The following SMYD3 variants were observed in gnomAD, a reference collection of about 807,000 sequenced individuals.
SMYD3 encodes SET and MYND domain containing 3.
Under a neutral mutation model 57.7 loss-of-function variants are expected in SMYD3, and 36 were observed. The ratio of observed to expected loss-of-function variants is 0.62; its 90% confidence interval spans 0.48 to 0.82. The LOEUF is 0.82. Among genes scored for constraint, SMYD3 ranks in the 40% least tolerant of loss-of-function variants. SMYD3 has a pLI of 0.00. For synonymous variants in SMYD3, 211 were observed against 195.0 expected (o/e 1.08, Z -0.68); for missense variants, 515 against 538.8 (o/e 0.96, Z 0.44).
chr1:246,025,195 T>C (rs960497451), intron 5 of SMYD3, among the ~76,000 whole-genome samples: 4 of 137,936 alleles, frequency 2.9e-5, no homozygotes, highest in African/African-American at 1.1e-4. Flanking sequence ...AGACAGCATC[T>C]AGGAAGACAG....
chr1:245,837,533 G>A (rs1020486446), intron 10 of SMYD3, among the ~76,000 whole-genome samples: 7 of 152,140 alleles, frequency 4.6e-5, no homozygotes, highest in Admixed American at 4.6e-4. Context: ...GCACGTACAC[G>A]AGGGAAGAAG....
intron 10 of SMYD3, among the ~76,000 whole-genome samples, chr1:245,782,803 G>C (rs1262674260): frequency 6.6e-6 from 1 of 152,204 alleles, no homozygotes; most frequent in Non-Finnish European, 1.5e-5. Context: ...CAATGCCTGA[G>C]TCTAGAAAGA....
chr1:246,275,142 A>C (rs997835396), intron 5 of SMYD3, among the ~76,000 whole-genome samples: 33 of 152,342 alleles, frequency 2.2e-4, no homozygotes, highest in African/African-American at 7.5e-4. Flanking sequence ...GACAAAATAC[A>C]ATGCGCAAGA....
At chr1:246,466,720 T>C (rs1009586520) in intron 1 of SMYD3, among the ~76,000 whole-genome samples, 8 of 152,130 alleles carry the variant, frequency 5.3e-5, no homozygotes, top group African/African-American at 1.9e-4. Context: ...TGGTGGCACA[T>C]GCCTATAGCC....
In SMYD3 at chr1:246,157,650, T is replaced by TA. The variant is rs1426607784; in HGVS notation, c.531+169550_531+169551insT. ...TGCCACAACAATAAGCTTTGTCTTT[T>TA]TTCCCCCCCATAGGTCAGCTTCCTT... On this transcript the variant is annotated intron_variant, in intron 5 of 11. Transcript: ENST00000490107. Among the ~76,000 whole-genome samples, 3 of 151,188 alleles carry TA rather than the reference T, an allele frequency of 2.0e-5. No homozygotes were observed. The East Asian group carries it at 5.8e-4, about 29-fold the overall frequency.
chr1:245,929,951 G>C lies in SMYD3; in HGVS notation c.532-14C>G. On this transcript the variant is annotated splice_polypyrimidine_tract_variant and intron_variant, in intron 5 of 11. Transcript: ENST00000490107. ...GTTGCAGATCACCTGTAAACACAAG[G>C]GGAACCATCAGTATTACTAGAGTCA... The C allele has an allele frequency of 1.2e-6, 2 of 1,610,812 alleles. No individual in the cohort carries two copies. The highest frequency in any genetic ancestry group is 1.1e-5 in the South Asian group (1 of 90,994).
chr1:246,042,549 C>T (rs1273240939), intron 5 of SMYD3, among the ~76,000 whole-genome samples: 3 of 152,198 alleles, frequency 2.0e-5, no homozygotes, highest in Non-Finnish European at 4.4e-5. Context: ...AAGGACTTCG[C>T]ATTATTAGTG....
At chr1:246,139,823 C>A (rs2061723483) in intron 5 of SMYD3, among the ~76,000 whole-genome samples, 1 of 152,132 alleles carries the variant, frequency 6.6e-6, no homozygotes, top group African/African-American at 2.4e-5. Context: ...AGCAAAGAAT[C>A]CTGCTGGAAA....
intron 5 of SMYD3, among the ~76,000 whole-genome samples, chr1:245,967,800 C>A (rs1226233928): frequency 1.3e-5 from 2 of 152,172 alleles, no homozygotes; most frequent in Non-Finnish European, 2.9e-5. Flanking sequence ...CCATTTGCGA[C>A]TAATTTACCC....
intron 5 of SMYD3, among the ~76,000 whole-genome samples, chr1:245,953,528 C>T (rs1029441103): frequency 4.6e-5 from 7 of 152,122 alleles, no homozygotes; most frequent in Non-Finnish European, 8.8e-5. Flanking sequence ...TCAAGCAATT[C>T]TCTGCCTCAG....
In SMYD3 at chr1:246,078,490, G is replaced by A. The variant is rs551692489; in HGVS notation, c.532-148553C>T. Among the ~76,000 whole-genome samples, 9 of 152,288 alleles carry A rather than the reference G, an allele frequency of 5.9e-5. 1 individual carries two copies. The highest frequency in any genetic ancestry group is 1.7e-4 in the African/African-American group (7 of 41,558). The stretch of plus-strand genomic sequence containing the variant: ...TTGTTCCACTTCTGCTTCTTCAGCC[G>A]TCTTCTGCCTATCTAGACCATCTCC... On this transcript the variant is annotated intron_variant, in intron 5 of 11. Transcript: ENST00000490107.
intron 10 of SMYD3, among the ~76,000 whole-genome samples, chr1:245,803,381 A>T (rs1381943166): frequency 6.6e-6 from 1 of 151,774 alleles, no homozygotes; most frequent in Non-Finnish European, 1.5e-5. Flanking sequence ...ACCACTACAA[A>T]CCTGGTGTTT....
chr1:245,827,184 A>G (rs112125460), intron 10 of SMYD3, among the ~76,000 whole-genome samples: 1 of 152,170 alleles, frequency 6.6e-6, no homozygotes, highest in Admixed American at 6.5e-5. Flanking sequence ...CGGCACGTTC[A>G]AGGCCACACT....
At chr1:246,324,844 T>C (rs913779371) in intron 5 of SMYD3, among the ~76,000 whole-genome samples, 4 of 151,186 alleles carry the variant, frequency 2.6e-5, no homozygotes, top group African/African-American at 9.7e-5. Context: ...CCAGGGATCT[T>C]CACCCAGTTC....
intron 5 of SMYD3, among the ~76,000 whole-genome samples, chr1:246,143,126 T>TACACAC (rs370332515): frequency 0.039 from 5,624 of 146,058 alleles, 135 homozygotes; most frequent in Middle Eastern, 0.052. Context: ...GTATATTTAA[T>TACACAC]ACACACACAC....
At chr1:246,097,041 G>A (rs1053583643) in intron 5 of SMYD3, among the ~76,000 whole-genome samples, 1 of 152,124 alleles carries the variant, frequency 6.6e-6, no homozygotes, top group Admixed American at 6.5e-5. Context: ...TCTGCATAGG[G>A]TCATTAAAAA....
chr1:246,072,477 T>C (rs1194409697), intron 5 of SMYD3, among the ~76,000 whole-genome samples: 1 of 152,222 alleles, frequency 6.6e-6, no homozygotes, highest in Non-Finnish European at 1.5e-5. Flanking sequence ...AGTTCTATCA[T>C]GTTAGACAGG....
At chr1:246,373,285 C>T (rs1349634543) in intron 1 of SMYD3, among the ~76,000 whole-genome samples, 2 of 151,996 alleles carry the variant, frequency 1.3e-5, no homozygotes, top group Non-Finnish European at 2.9e-5. Context: ...TATTATTTAA[C>T]AGCCTTAAAT....
chr1:245,925,548 G>A (rs1420619997), intron 7 of SMYD3, among the ~76,000 whole-genome samples: 2 of 152,098 alleles, frequency 1.3e-5, no homozygotes, highest in Non-Finnish European at 1.5e-5. Flanking sequence ...TTAAGCACAC[G>A]CCAAGGACAC....
Sources: gnomAD v4.1 joint callset for allele counts (sites outside exome capture counted in the v4.1 genomes callset) on GRCh38, gnomAD v4.1.1 for gene constraint, MANE v1.5 for transcripts, NCBI Gene and HGNC (gene_info 2026-07-23, HGNC 2026-07-21) for gene names.